PARM1: variants seen among roughly 807,000 people sequenced by gnomAD.
PARM1 encodes the protein prostate androgen-regulated mucin-like protein 1.
PARM1 carries 14 observed loss-of-function variants against 24.6 expected under a neutral mutation model. The observed-to-expected ratio is 0.57, with a 90% CI of 0.38 to 0.89. PARM1 has a LOEUF of 0.89. PARM1 is among the 40% of genes least tolerant of loss of function. The pLI is 0.00. For missense variants in PARM1, 362 were observed against 380.4 expected, an observed-to-expected ratio of 0.95 and a Z score of 0.40; for synonymous variants, 179 against 156.6, an observed-to-expected ratio of 1.14 and a Z score of -1.07.
intron 1 of PARM1, among the ~76,000 whole-genome samples, chr4:74,935,715 C>A (rs1721167627): frequency 1.3e-5 from 2 of 152,172 alleles, no homozygotes; most frequent in East Asian, 1.9e-4. Context: ...TTTGGCTCAA[C>A]AAATCCTCTC....
chr4:74,974,524 C>T (rs1722102045), intron 1 of PARM1, among the ~76,000 whole-genome samples: 1 of 152,168 alleles, frequency 6.6e-6, no homozygotes, highest in East Asian at 1.9e-4. Flanking sequence ...ATTCCCAGCA[C>T]TAGCCTGTCA....
intron 1 of PARM1, among the ~76,000 whole-genome samples, chr4:75,003,277 G>A (rs1448629721): frequency 6.6e-6 from 1 of 150,476 alleles, no homozygotes; most frequent in Non-Finnish European, 1.5e-5. Context: ...CATCCTAGAA[G>A]CAGTAAGTTT....
intron 2 of PARM1, among the ~76,000 whole-genome samples, chr4:75,023,218 G>T (rs1376519923): frequency 6.6e-6 from 1 of 152,184 alleles, no homozygotes; most frequent in Non-Finnish European, 1.5e-5. Context: ...ACAAGCTTTG[G>T]CCTCAGACTG....
intron 1 of PARM1, among the ~76,000 whole-genome samples, chr4:75,008,420 C>T (rs1289734237): frequency 1.3e-5 from 2 of 152,174 alleles, no homozygotes; most frequent in African/African-American, 4.8e-5. Flanking sequence ...ATTCTCAGAG[C>T]TTGTCATTTT....
chr4:74,933,615 G>A (rs993018770), intron 1 of PARM1, among the ~76,000 whole-genome samples: 1 of 152,254 alleles, frequency 6.6e-6, no homozygotes, highest in Admixed American at 6.5e-5. Context: ...CAGCTTTGTA[G>A]AACAGGTGGC....
At chr4:74,938,177 T>G (rs974579482) in intron 1 of PARM1, among the ~76,000 whole-genome samples, 2 of 152,230 alleles carry the variant, frequency 1.3e-5, no homozygotes, top group Non-Finnish European at 2.9e-5. Context: ...AGTCAAATTG[T>G]GCTTGTGTTT....
At chr4:75,035,066 A>G (rs538884990) in intron 3 of PARM1, among the ~76,000 whole-genome samples, 1 of 152,120 alleles carries the variant, frequency 6.6e-6, no homozygotes, top group Non-Finnish European at 1.5e-5. Flanking sequence ...CAATCTTGCT[A>G]CTTCCTCCAT....
chr4:74,973,282 GA>G (rs1722075217), intron 1 of PARM1, among the ~76,000 whole-genome samples: 1 of 152,076 alleles, frequency 6.6e-6, no homozygotes. Context: ...AAAAATTAGT[GA>G]AACCTGTCAT....
rs1028038278 is a variant in PARM1, at chr4:74,977,226, G to A, written c.44-35199G>A. On this transcript the variant is annotated intron_variant, in intron 1 of 3. Coordinates refer to ENST00000307428, the MANE Select transcript of PARM1 (RefSeq NM_015393.4). ...TAAGAATCATGATAAAACATTATGG[G>A]AGCTATTAACCAGAATAACCAGTTT... Among the ~76,000 whole-genome samples, 7 of 152,222 alleles carry A rather than the reference G, an allele frequency of 4.6e-5. No homozygotes were observed. In the South Asian group the frequency reaches 6.2e-4, roughly 14 times the overall value.
At chr4:74,993,619 G>A (rs1481369473) in intron 1 of PARM1, among the ~76,000 whole-genome samples, 1 of 152,136 alleles carries the variant, frequency 6.6e-6, no homozygotes, top group African/African-American at 2.4e-5. Flanking sequence ...TTTTTTACAT[G>A]TCTTTAAAAG....
chr4:75,020,502 C>T (rs540525253), intron 2 of PARM1, among the ~76,000 whole-genome samples: 1 of 151,392 alleles, frequency 6.6e-6, no homozygotes, highest in African/African-American at 2.4e-5. Context: ...TCCCCCCCCC[C>T]GCACCCATCT....
intron 1 of PARM1, among the ~76,000 whole-genome samples, chr4:74,939,753 T>C (rs960263246): frequency 6.6e-6 from 1 of 152,214 alleles, no homozygotes; most frequent in African/African-American, 2.4e-5. Flanking sequence ...TGAACTGTGG[T>C]GGATATTTGT....
chr4:75,033,853 CTTCTT>C (rs750813208), intron 2 of PARM1, 25 bp from the exon 3 acceptor site: 3 of 1,568,492 alleles, frequency 1.9e-6, no homozygotes, highest in East Asian at 4.7e-5. Context: ...CCTCATGTAT[CTTCTT>C]TTCTGTGCCC....
chr4:75,010,109 C>G (rs1722844144), intron 1 of PARM1, among the ~76,000 whole-genome samples: 3 of 152,176 alleles, frequency 2.0e-5, no homozygotes, highest in Admixed American at 2.0e-4. Flanking sequence ...GCCCAAGTAT[C>G]TATCAGTGTA....
intron 1 of PARM1, among the ~76,000 whole-genome samples, chr4:74,938,277 G>A (rs188427420): frequency 5.9e-5 from 9 of 152,220 alleles, no homozygotes; most frequent in South Asian, 2.1e-4. Flanking sequence ...ACACCCCACC[G>A]GAAGCAATGG....
At chr4:74,979,717 A>G (rs962836913) in intron 1 of PARM1, among the ~76,000 whole-genome samples, 3 of 152,180 alleles carry the variant, frequency 2.0e-5, no homozygotes, top group Non-Finnish European at 4.4e-5. Context: ...AAAATCCTCA[A>G]TAAAATACTG....
intron 1 of PARM1, among the ~76,000 whole-genome samples, chr4:75,000,148 G>A (rs1722649487): frequency 6.6e-6 from 1 of 152,102 alleles, no homozygotes; most frequent in Non-Finnish European, 1.5e-5. Context: ...CTCTGATAGC[G>A]GCTGCAAAGC....
intron 1 of PARM1, among the ~76,000 whole-genome samples, chr4:74,941,481 G>T (rs985268795): frequency 5.3e-5 from 8 of 152,088 alleles, no homozygotes; most frequent in Non-Finnish European, 8.8e-5. Context: ...AGCAGGAGGA[G>T]GATTAAAATT....
At chr4:74,942,830 A>G (rs1483720212) in intron 1 of PARM1, among the ~76,000 whole-genome samples, 1 of 152,126 alleles carries the variant, frequency 6.6e-6, no homozygotes, top group Non-Finnish European at 1.5e-5. Context: ...CATTGGAACT[A>G]TATCAGTCAC....
Sources: gnomAD v4.1 joint callset for allele counts (sites outside exome capture counted in the v4.1 genomes callset) on GRCh38, gnomAD v4.1.1 for gene constraint, MANE v1.5 for transcripts, NCBI Gene and HGNC (gene_info 2026-07-23, HGNC 2026-07-21) for gene names.